Variants in MYO1D observed in about 807,000 individuals in gnomAD.
MYO1D encodes myosin ID, also known as unconventional myosin-Id.
MYO1D carries 83 observed loss-of-function variants against 122.0 expected under a neutral mutation model. That is an observed-to-expected ratio of 0.68 (90% CI 0.57 to 0.82). The LOEUF is 0.82. Ranked by LOEUF, MYO1D falls within the 40% of genes least tolerant of loss-of-function variation. MYO1D has a pLI of 0.00. For missense variants in MYO1D, 1,157 were observed against 1,269.5 expected (o/e 0.91, Z 1.35); for synonymous variants, 464 against 446.9 (o/e 1.04, Z -0.48).
At chr17:32,522,786 G>C (rs1260611564) in intron 21 of MYO1D, among the ~76,000 whole-genome samples, 1 of 145,552 alleles carries the variant, frequency 6.9e-6, no homozygotes, top group Non-Finnish European at 1.5e-5. Context: ...TCATGTGGCT[G>C]TCAGGCTCCT....
At chr17:32,569,294 G>T (rs1353869487) in intron 21 of MYO1D, among the ~76,000 whole-genome samples, 2 of 152,204 alleles carry the variant, frequency 1.3e-5, no homozygotes, top group East Asian at 3.8e-4. Flanking sequence ...ATTGGGGATA[G>T]TATTGCTCTA....
intron 21 of MYO1D, among the ~76,000 whole-genome samples, chr17:32,560,241 T>C (rs1014157608): frequency 7.9e-5 from 12 of 151,950 alleles, no homozygotes; most frequent in Middle Eastern, 3.4e-3. Context: ...GGCGACAGAA[T>C]GAGACTCCAT....
At chr17:32,595,197 G>T (rs1179680907) in intron 21 of MYO1D, among the ~76,000 whole-genome samples, 2 of 152,184 alleles carry the variant, frequency 1.3e-5, no homozygotes, top group Non-Finnish European at 2.9e-5. Context: ...ATTACAGCTA[G>T]AGAGGAGGAA....
chr17:32,619,687 T>G (rs1267979033), intron 20 of MYO1D, among the ~76,000 whole-genome samples: 1 of 152,240 alleles, frequency 6.6e-6, no homozygotes, highest in African/African-American at 2.4e-5. Flanking sequence ...TTTACAAAGC[T>G]AATTGTTTTA....
intron 21 of MYO1D, among the ~76,000 whole-genome samples, chr17:32,562,542 G>C (rs1313501933): frequency 6.6e-6 from 1 of 151,758 alleles, no homozygotes; most frequent in African/African-American, 2.4e-5. Flanking sequence ...GAATGCAATG[G>C]TGTGATCAAG....
chr17:32,837,637 C>A (rs1648838145), intron 1 of MYO1D, among the ~76,000 whole-genome samples: 2 of 152,088 alleles, frequency 1.3e-5, no homozygotes, highest in Non-Finnish European at 2.9e-5. Context: ...AATTAATGTA[C>A]ACAACCATTT....
At chr17:32,499,750 G>T (rs1052595407) in intron 21 of MYO1D, among the ~76,000 whole-genome samples, 1 of 151,986 alleles carries the variant, frequency 6.6e-6, no homozygotes, top group Non-Finnish European at 1.5e-5. Flanking sequence ...CTTGAGCTCA[G>T]AGGTTCAAGA....
chr17:32,631,648 TAA>T (rs879354700), intron 20 of MYO1D, among the ~76,000 whole-genome samples: 1 of 143,420 alleles, frequency 7.0e-6, no homozygotes, highest in Non-Finnish European at 1.5e-5. Flanking sequence ...ACCCGTCTCT[TAA>T]AAAAAAAAAA....
At chr17:32,758,505 A>G (rs963218432) in intron 10 of MYO1D, among the ~76,000 whole-genome samples, 2 of 152,176 alleles carry the variant, frequency 1.3e-5, no homozygotes, top group African/African-American at 4.8e-5. Context: ...ATACATGGAA[A>G]TATTTACTGA....
chr17:32,705,760 T>C (rs775772274), intron 16 of MYO1D, among the ~76,000 whole-genome samples: 3 of 152,192 alleles, frequency 2.0e-5, no homozygotes, highest in Non-Finnish European at 2.9e-5. Context: ...GTAGCTCCCA[T>C]AATTCCCACA....
intron 1 of MYO1D, among the ~76,000 whole-genome samples, chr17:32,842,944 A>G: frequency 7.4e-6 from 1 of 134,670 alleles, no homozygotes; most frequent in Non-Finnish European, 1.5e-5. Flanking sequence ...GCTGGAGTGC[A>G]GTGGCACGAT....
At chr17:32,832,047 T>C (rs1425115988) in intron 1 of MYO1D, among the ~76,000 whole-genome samples, 1 of 152,212 alleles carries the variant, frequency 6.6e-6, no homozygotes. Context: ...ATGTATACAC[T>C]AGATCTTAGC....
intron 21 of MYO1D, among the ~76,000 whole-genome samples, chr17:32,553,251 G>C (rs930405386): frequency 1.3e-5 from 2 of 152,180 alleles, no homozygotes; most frequent in African/African-American, 4.8e-5. Context: ...ACTACACAAG[G>C]TGGCATGCTA....
At chr17:32,524,751 T>C (rs183485696) in intron 21 of MYO1D, among the ~76,000 whole-genome samples, 179 of 152,172 alleles carry the variant, frequency 1.2e-3, no homozygotes, top group African/African-American at 4.1e-3. Context: ...TTAGTAGAGA[T>C]GGGGTTTCAC....
At position 32,616,425 on chromosome 17, in the gene MYO1D, A is replaced by G. The variant is rs1186772185; in HGVS notation, c.2710-11184T>C. 5.9e-5 allele frequency among the ~76,000 whole-genome samples: 9 copies of G among 151,846 alleles called. No homozygotes were observed. In the South Asian group the frequency reaches 1.7e-3, roughly 28 times the overall value. Reference sequence around the variant, plus strand: ...CTGGGCTCAAGCAGTCCTCTGCCTCAGCCTCCCAAGTAGCTGGGACTACAG... The same window carrying G: ...CTGGGCTCAAGCAGTCCTCTGCCTCGGCCTCCCAAGTAGCTGGGACTACAG... On this transcript the variant is annotated intron_variant, in intron 20 of 21. Transcript: ENST00000318217.
At chr17:32,706,634 T>A (rs2089311167) in intron 16 of MYO1D, among the ~76,000 whole-genome samples, 2 of 152,148 alleles carry the variant, frequency 1.3e-5, no homozygotes, top group South Asian at 4.1e-4. Context: ...AATGTTTAAA[T>A]AAAATTAAAA....
chr17:32,653,279 G>A (rs181611310), intron 19 of MYO1D, among the ~76,000 whole-genome samples: 7 of 151,858 alleles, frequency 4.6e-5, no homozygotes, highest in African/African-American at 1.2e-4. Context: ...AGAGGTCCCC[G>A]CAATCTAGTT....
intron 20 of MYO1D, among the ~76,000 whole-genome samples, chr17:32,631,630 G>A (rs185315457): frequency 6.5e-4 from 99 of 151,460 alleles, no homozygotes; most frequent in Admixed American, 1.1e-3. Flanking sequence ...CTGGGCAACA[G>A]AGCGAGAACC....
At chr17:32,597,382 A>G (rs1422001078) in intron 21 of MYO1D, among the ~76,000 whole-genome samples, 1 of 152,144 alleles carries the variant, frequency 6.6e-6, no homozygotes. Context: ...TGTATTATAC[A>G]TAATCATATG....
Sources: gnomAD v4.1 joint callset for allele counts (sites outside exome capture counted in the v4.1 genomes callset) on GRCh38, gnomAD v4.1.1 for gene constraint, MANE v1.5 for transcripts, NCBI Gene and HGNC (gene_info 2026-07-23, HGNC 2026-07-21) for gene names.